The following LCMT2 variants were observed in gnomAD, a reference collection of about 807,000 sequenced individuals.
LCMT2 encodes tRNA wybutosine-synthesizing protein 4.
LCMT2 carries 34 observed loss-of-function variants against 42.0 expected under a neutral mutation model. The observed-to-expected ratio is 0.81, with a 90% CI of 0.62 to 1.08. The LOEUF (loss-of-function observed/expected upper bound fraction) is 1.08, where lower values mean the gene tolerates loss of function less well. Ranked by LOEUF, LCMT2 falls within the 50% of genes least tolerant of loss-of-function variation. The probability of loss-of-function intolerance (pLI) is 0.00; values close to 1 mark genes in which losing one functional copy is unlikely to be tolerated. For missense variants in LCMT2, 1,091 were observed against 889.4 expected (o/e 1.23, Z -2.88); for synonymous variants, 445 against 369.5 (o/e 1.20, Z -2.34).
In LCMT2 at chr15:43,330,356, G is replaced by C. The variant is rs753960378; in HGVS notation, c.134C>G (p.Ala45Gly). 3 of 1,589,380 alleles carry C rather than the reference G, an allele frequency of 1.9e-6. No homozygotes were observed. Among genetic ancestry groups the C allele is most frequent in the Admixed American group, 1.7e-5 (1 of 57,786 alleles). The stretch of plus-strand genomic sequence containing the variant: ...GTGAATGAGCGGTGCGCGGCGCGCC[G>C]CGCCCGGAACCAGCAACGCGGCAAA... ...DPFAALLVPGAARRAPLIHRG... is the reference protein window; with the variant it reads ...DPFAALLVPGGARRAPLIHRG... The change falls in exon 1 of 1, where the codon GCG becomes GGG. Residue 45 changes from alanine (A) to glycine (G), a missense_variant. Ala to Gly is a moderately conservative substitution (Grantham distance 60). Coordinates refer to ENST00000305641, the MANE Select transcript of LCMT2 (RefSeq NM_014793.5).
rs915654052 is a variant in LCMT2 at position 43,328,231 on chromosome 15, C to T, written c.*198G>A. ...TCCTCTCGGACTGCATGGCCACTGT[C>T]TTCAGCTGTTTTCTGTAGTGATTGT... is the stretch of plus-strand genomic sequence containing the variant. On this transcript the variant is annotated 3_prime_UTR_variant, in exon 1 of 1. Coordinates refer to ENST00000305641, the MANE Select transcript of LCMT2 (RefSeq NM_014793.5). 5.7e-5 allele frequency: 34 copies of T among 596,954 alleles called. No homozygotes were observed. Among genetic ancestry groups the T allele is most frequent in the Middle Eastern group, 8.9e-4 (2 of 2,242 alleles). The allele number at this position is 596,954 out of a possible 1,614,324, so 37.0% of individuals were successfully genotyped here.
rs577278756 is a variant in LCMT2, at chr15:43,329,681, T to G, written c.809A>C (p.Asp270Ala). Residue 270 changes from aspartate (D) to alanine (A), a missense_variant, in exon 1 of 1, where the codon GAC (aspartate) becomes GCC (alanine). Physicochemically the swap from Asp to Ala is moderately radical, Grantham distance 126 (BLOSUM62 -2). Transcript: ENST00000305641. ...QAGWTACGAVDMNEFYHCFLP... is the reference protein window; with the variant it reads ...QAGWTACGAVAMNEFYHCFLP... ...AAAGCAGTGATAGAATTCATTCATGTCCACGGCACCGCAGGCGGTCCAGCC... is the reference window on the plus strand; with the variant it reads ...AAAGCAGTGATAGAATTCATTCATGGCCACGGCACCGCAGGCGGTCCAGCC... 2.5e-6 allele frequency: 4 copies of G among 1,613,516 alleles called. No individual in the cohort carries two copies. The highest frequency in any genetic ancestry group is 2.7e-5 in the African/African-American group (2 of 74,952).
Position 43,328,867 on chromosome 15 carries a change from A to C in LCMT2, c.1623T>G (p.Thr541=). The change falls in exon 1 of 1, where the codon ACT becomes ACG. Residue 541 remains threonine (T), a synonymous_variant. Transcript: ENST00000305641. Reference sequence around the variant, plus strand: ...CAGCAATAAGGGCTCCCCCTTGCCAAGTGCAGGCACTGTGAGAATGCCGGG... The same window carrying C: ...CAGCAATAAGGGCTCCCCCTTGCCACGTGCAGGCACTGTGAGAATGCCGGG... The part of the protein sequence containing the change: ...PEARHSHSAC[T]WQGGALIAGG... 1 of 1,613,824 alleles carries C rather than the reference A, an allele frequency of 6.2e-7. No individual in the cohort carries two copies. Among genetic ancestry groups the C allele is most frequent in the Non-Finnish European group, 8.5e-7 (1 of 1,179,988 alleles).
Position 43,329,939 on chromosome 15 carries a change from A to G in LCMT2, c.551T>C (p.Leu184Pro), listed in dbSNP as rs2043160816. The change falls in exon 1 of 1, where the codon CTG becomes CCG. Residue 184 changes from leucine to proline, a missense_variant. Coordinates refer to ENST00000305641, the MANE Select transcript of LCMT2 (RefSeq NM_014793.5). ...GGTCAGCACCGCCTCGGCCAGGAGCAGAGTGGGTGAGGCTGCGTCGAGCCC... is the reference window on the plus strand; with the variant it reads ...GGTCAGCACCGCCTCGGCCAGGAGCGGAGTGGGTGAGGCTGCGTCGAGCCC... ...AAGLDAASPT[L>P]LLAEAVLTYL... 6.2e-7 allele frequency: 1 copy of G among 1,612,648 alleles called. No individual in the cohort carries two copies. The highest frequency in any genetic ancestry group is 2.2e-5 in the East Asian group (1 of 44,854).
chr15:43,329,759 C>A lies in LCMT2; in HGVS notation c.731G>T (p.Gly244Val), dbSNP rs1442002479. The A allele has an allele frequency of 6.2e-7, 1 of 1,613,728 alleles. No individual in the cohort carries two copies. Among genetic ancestry groups the A allele is most frequent in the Non-Finnish European group, 8.5e-7 (1 of 1,180,026 alleles). ...HFRQLNSPLH[G>V]LERFPDVEAQ... is the part of the protein sequence containing the mutation. ...CTCCACGTCAGGAAAACGCTCCAGGCCATGCAGGGGGGAGTTTAGCTGCCG... is the reference window on the plus strand; with the variant it reads ...CTCCACGTCAGGAAAACGCTCCAGGACATGCAGGGGGGAGTTTAGCTGCCG... Residue 244 changes from glycine (G) to valine (V), a missense_variant, in exon 1 of 1, where the codon GGC becomes GTC. Physicochemically the swap from Gly to Val is moderately radical, Grantham distance 109. Coordinates refer to ENST00000305641, the MANE Select transcript of LCMT2 (RefSeq NM_014793.5).
In LCMT2 at chr15:43,328,993, C is replaced by A. The variant is rs771562656; in HGVS notation, c.1497G>T (p.Gly499=). 30 of 1,614,090 alleles carry A rather than the reference C, an allele frequency of 1.9e-5. No homozygotes were observed. Among genetic ancestry groups the A allele is most frequent in the Non-Finnish European group, 8.5e-7 (1 of 1,180,046 alleles). The change falls in exon 1 of 1, where the codon GGG becomes GGT. Residue 499 remains glycine (G), a synonymous_variant. Transcript: ENST00000305641. ...GTACAGGTTCCACCACGCTTCGACC[C>A]CCATACACAAACAAATATTCCTGAT... ...CQNQEYLFVY[G]GRSVVEPVLS...
Position 43,330,555 on chromosome 15 carries a change from C to T in LCMT2, c.-66G>A. 1 of 1,481,052 alleles carries T rather than the reference C, an allele frequency of 6.8e-7. No individual in the cohort carries two copies. Among genetic ancestry groups the T allele is most frequent in the Non-Finnish European group, 8.9e-7 (1 of 1,119,492 alleles). The allele number at this position is 1,481,052 out of a possible 1,614,324, so 91.7% of individuals were successfully genotyped here. A position where few individuals can be genotyped will look rare whatever the true frequency, so the allele number is the denominator to read the frequency against. On this transcript the variant is annotated 5_prime_UTR_variant, in exon 1 of 1. Transcript: ENST00000305641. ...GAGCCGCCCCTTGGTTAGCACACACCTCACGGACCTCGGTAGGGGGAAAAA... is the reference window on the plus strand; with the variant it reads ...GAGCCGCCCCTTGGTTAGCACACACTTCACGGACCTCGGTAGGGGGAAAAA...
chr15:43,329,553 T>C lies in LCMT2; in HGVS notation c.937A>G (p.Arg313Gly), dbSNP rs1240035388. 1.2e-6 allele frequency: 2 copies of C among 1,614,094 alleles called. No homozygotes were observed. Among genetic ancestry groups the C allele is most frequent in the Non-Finnish European group, 1.7e-6 (2 of 1,179,962 alleles). ...CAHYFILAAS[R>G]GDTLSHTLVF... ...AGGGTGTGGGAGAGGGTGTCTCCCC[T>C]AGAAGCTGCCAGAATGAAATAATGG... is the stretch of plus-strand genomic sequence containing the variant. Residue 313 changes from arginine to glycine, a missense_variant, in exon 1 of 1, where the codon AGG becomes GGG. Transcript: ENST00000305641.
rs2043126043 is a variant in LCMT2, at chr15:43,327,832, C to A, written c.*597G>T. The A allele has an allele frequency of 6.5e-6, 1 of 153,080 alleles. No individual in the cohort carries two copies. The highest frequency in any genetic ancestry group is 2.4e-5 in the African/African-American group (1 of 41,446). 9.5% of individuals were successfully genotyped at this position (153,080 alleles called of 1,614,324 possible). The stretch of plus-strand genomic sequence containing the variant: ...TTATAAATCTAAATAAATATGGAAC[C>A]AATAGCAAAACATTTAAAAAGTATG... On this transcript the variant is annotated 3_prime_UTR_variant, in exon 1 of 1. Transcript: ENST00000305641.
rs1158141066 is a variant in LCMT2 at position 43,327,692 on chromosome 15, AAG to A, written c.*735_*736del. ...AGAGAGCTCCTTGATGCAGCCCATAAAGGTCAGCCTCTTGGAGCACAGAACAG... is the reference window on the plus strand; with the variant it reads ...AGAGAGCTCCTTGATGCAGCCCATAAGTCAGCCTCTTGGAGCACAGAACAG... On this transcript the variant is annotated 3_prime_UTR_variant, in exon 1 of 1. Transcript: ENST00000305641. The A allele has an allele frequency of 6.6e-6, 1 of 152,246 alleles. No individual in the cohort carries two copies. Among genetic ancestry groups the A allele is most frequent in the Non-Finnish European group, 1.5e-5 (1 of 68,054 alleles). 9.4% of individuals were successfully genotyped at this position (152,246 alleles called of 1,614,324 possible).
At position 43,330,170 on chromosome 15, in the gene LCMT2, C is replaced by G. The variant is rs1037553151; in HGVS notation, c.320G>C (p.Arg107Pro). 4 of 1,611,776 alleles carry G rather than the reference C, an allele frequency of 2.5e-6. No individual in the cohort carries two copies. Among genetic ancestry groups the G allele is most frequent in the Non-Finnish European group, 3.4e-6 (4 of 1,179,864 alleles). ...FRLKTAGRLARAAVWEVDFPD... is the reference protein window; with the variant it reads ...FRLKTAGRLAPAAVWEVDFPD... ...AAAATCCACCTCCCAGACTGCAGCC[C>G]GGGCCAGGCGGCCCGCGGTTTTTAA... The change falls in exon 1 of 1, where the codon CGG (arginine) becomes CCG (proline). Residue 107 changes from arginine (R) to proline (P), a missense_variant. Transcript: ENST00000305641.
chr15:43,329,025 A>T lies in LCMT2; in HGVS notation c.1465T>A (p.Cys489Ser). ...ACAAACAAATATTCCTGATTCTGACAGGACACTTCTGTTGTTGAATGCCGC... is the reference window on the plus strand; with the variant it reads ...ACAAACAAATATTCCTGATTCTGACTGGACACTTCTGTTGTTGAATGCCGC... ...CWRHSTTEVS[C>S]QNQEYLFVYG... Residue 489 changes from cysteine to serine, a missense_variant, in exon 1 of 1, where the codon TGT becomes AGT. Cys to Ser is a moderately radical substitution (Grantham distance 112). Transcript: ENST00000305641. 1 of 1,614,240 alleles carries T rather than the reference A, an allele frequency of 6.2e-7. No homozygotes were observed. The highest frequency in any genetic ancestry group is 8.5e-7 in the Non-Finnish European group (1 of 1,180,044).
In LCMT2 at chr15:43,324,404, G is replaced by A. The variant is rs1005119883; in HGVS notation, c.*4025C>T. 2 of 152,006 alleles carry A rather than the reference G, an allele frequency of 1.3e-5. No individual in the cohort carries two copies. Among genetic ancestry groups the A allele is most frequent in the African/African-American group, 2.4e-5 (1 of 41,324 alleles). 9.4% of individuals were successfully genotyped at this position (152,006 alleles called of 1,614,324 possible). On this transcript the variant is annotated 3_prime_UTR_variant, in exon 1 of 1. Transcript: ENST00000305641. ...GGCCGAGGCGGGCAGATCACTTGAG[G>A]TCAGGAGTTGGATACCAGCCTGACC...
Position 43,330,262 on chromosome 15 carries a change from C to A in LCMT2, c.228G>T (p.Ala76=). The A allele has an allele frequency of 3.7e-6, 6 of 1,602,158 alleles. No homozygotes were observed. The highest frequency in any genetic ancestry group is 4.2e-6 in the Non-Finnish European group (5 of 1,177,714). Residue 76 remains alanine, a synonymous_variant, in exon 1 of 1, where the codon GCG becomes GCT. Transcript: ENST00000305641. ...CVRAFLEQIG[A]PQAALRAQIL... is the part of the protein sequence containing the mutation. ...TCTGCGCGCGAAGCGCGGCCTGGGG[C>A]GCGCCAATCTGCTCCAAAAAAGCGC...
In LCMT2 at chr15:43,329,752, C is replaced by T; in HGVS notation, c.738G>A (p.Glu246=). ...RQLNSPLHGL[E]RFPDVEAQRR... Reference sequence around the variant, plus strand: ...GCTGCGCCTCCACGTCAGGAAAACGCTCCAGGCCATGCAGGGGGGAGTTTA... The same window carrying T: ...GCTGCGCCTCCACGTCAGGAAAACGTTCCAGGCCATGCAGGGGGGAGTTTA... The change falls in exon 1 of 1, where the codon GAG becomes GAA. Residue 246 remains glutamate (E), a synonymous_variant. Coordinates refer to ENST00000305641, the MANE Select transcript of LCMT2 (RefSeq NM_014793.5). The T allele has an allele frequency of 2.5e-6, 4 of 1,613,690 alleles. No homozygotes were observed. Among genetic ancestry groups the T allele is most frequent in the Non-Finnish European group, 3.4e-6 (4 of 1,180,024 alleles).
Position 43,328,364 on chromosome 15 carries a change from G to C in LCMT2, c.*65C>G. 1.3e-6 allele frequency: 2 copies of C among 1,494,706 alleles called. No homozygotes were observed. Among genetic ancestry groups the C allele is most frequent in the Non-Finnish European group, 9.1e-7 (1 of 1,099,320 alleles). 92.6% of individuals were successfully genotyped at this position (1,494,706 alleles called of 1,614,324 possible). A position where few individuals can be genotyped will look rare whatever the true frequency, so the allele number is the denominator to read the frequency against. On this transcript the variant is annotated 3_prime_UTR_variant, in exon 1 of 1. Transcript: ENST00000305641. ...AGGAGTGGCAGTATCTATAGCTAGA[G>C]GGTCATCCTATTTGTGGAAAACTTT...
rs1231314143 is a variant in LCMT2 at position 43,329,632 on chromosome 15, C to T, written c.858G>A (p.Arg286=). 19 of 1,614,030 alleles carry T rather than the reference C, an allele frequency of 1.2e-5. No individual in the cohort carries two copies. Among genetic ancestry groups the T allele is most frequent in the Admixed American group, 5.0e-5 (3 of 60,034 alleles). The change falls in exon 1 of 1, where the codon CGG becomes CGA. Residue 286 remains arginine, a synonymous_variant. Coordinates refer to ENST00000305641, the MANE Select transcript of LCMT2 (RefSeq NM_014793.5). ...CGTCAAAGGGTTCAATATTTTCCAC[C>T]CGCCGGCGTTCTTCTGCGGGAAGAA... ...HCFLPAEERR[R]VENIEPFDEF...
In LCMT2 at chr15:43,329,688, C is replaced by T. The variant is rs1477308310; in HGVS notation, c.802G>A (p.Ala268Thr). The change falls in exon 1 of 1, where the codon GCC (alanine) becomes ACC (threonine). Residue 268 changes from alanine to threonine, a missense_variant. Coordinates refer to ENST00000305641, the MANE Select transcript of LCMT2 (RefSeq NM_014793.5). Reference sequence around the variant, plus strand: ...TGATAGAATTCATTCATGTCCACGGCACCGCAGGCGGTCCAGCCAGCTTGA... The same window carrying T: ...TGATAGAATTCATTCATGTCCACGGTACCGCAGGCGGTCCAGCCAGCTTGA... ...FLQAGWTACGAVDMNEFYHCF... is the reference protein window; with the variant it reads ...FLQAGWTACGTVDMNEFYHCF... 1 of 1,613,568 alleles carries T rather than the reference C, an allele frequency of 6.2e-7. No individual in the cohort carries two copies. Among genetic ancestry groups the T allele is most frequent in the East Asian group, 2.2e-5 (1 of 44,884 alleles).
chr15:43,329,322 G>C lies in LCMT2; in HGVS notation c.1168C>G (p.His390Asp), dbSNP rs747630839. The C allele has an allele frequency of 3.7e-6, 6 of 1,613,976 alleles. No homozygotes were observed. The highest frequency in any genetic ancestry group is 2.7e-5 in the African/African-American group (2 of 74,940). Reference protein sequence around the residue: ...EGRHCRVSQFHLLSRDCDSEW... With the variant: ...EGRHCRVSQFDLLSRDCDSEW... ...GAGTCACAATCTCTTGAGAGCAAGT[G>C]AAACTGGCTCACTCGGCAGTGCCGC... is the stretch of plus-strand genomic sequence containing the variant. The change falls in exon 1 of 1, where the codon CAC becomes GAC. Residue 390 changes from histidine to aspartate, a missense_variant. Physicochemically the swap from His to Asp is moderately conservative, Grantham distance 81. Transcript: ENST00000305641.
Sources: gnomAD v4.1 joint callset for allele counts on GRCh38, gnomAD v4.1.1 for gene constraint, MANE v1.5 for transcripts, NCBI Gene and HGNC (gene_info 2026-07-23, HGNC 2026-07-21) for gene names.